The following TNPO3 variants were observed in gnomAD, a reference collection of about 807,000 sequenced individuals.
TNPO3 encodes the protein transportin-3.
Under a neutral mutation model 122.8 loss-of-function variants are expected in TNPO3, and 65 were observed. The ratio of observed to expected loss-of-function variants is 0.53; its 90% CI spans 0.43 to 0.65. The LOEUF is 0.65. Ranked by LOEUF, TNPO3 falls within the 30% of genes least tolerant of loss-of-function variation. The pLI, the probability that TNPO3 is intolerant of heterozygous loss-of-function variation, is 0.00. For synonymous variants in TNPO3, 372 were observed against 411.2 expected (o/e 0.90, Z 1.15); for missense variants, 850 against 1,136.7 (o/e 0.75, Z 3.63).
At chr7:129,045,662 G>C (rs1214238288) in intron 1 of TNPO3, among the ~76,000 whole-genome samples, 1 of 151,880 alleles carries the variant, frequency 6.6e-6, no homozygotes. Flanking sequence ...AAAAACTATT[G>C]TAATTAGAAA....
chr7:129,050,140 T>G (rs1444792897), intron 1 of TNPO3, among the ~76,000 whole-genome samples: 2 of 151,934 alleles, frequency 1.3e-5, no homozygotes, highest in Non-Finnish European at 2.9e-5. Context: ...TCCCAGCACT[T>G]TGGGAGGCCA....
At chr7:129,029,282 A>G (rs1805624075) in intron 1 of TNPO3, 1 of 155,874 alleles carries the variant, frequency 6.4e-6, no homozygotes, top group Admixed American at 6.5e-5. Context: ...TGGAGTCCAG[A>G]TGATGATTTT....
intron 16 of TNPO3, among the ~76,000 whole-genome samples, 170 bp downstream of exon 16, chr7:128,978,813 G>A (rs554300548): frequency 1.0e-3 from 153 of 152,214 alleles, no homozygotes; most frequent in African/African-American, 3.2e-3. Flanking sequence ...TGTATTTTTA[G>A]TAGAGACAGG....
chr7:129,043,520 A>AT (rs1318442705), intron 1 of TNPO3, among the ~76,000 whole-genome samples: 1 of 152,368 alleles, frequency 6.6e-6, no homozygotes, highest in East Asian at 1.9e-4. Context: ...TGAGACAAGC[A>AT]TTTTTAAATA....
Position 128,988,067 on chromosome 7 carries a change from G to A in TNPO3, c.1499-1147C>T, listed in dbSNP as rs530074506. ...CGGCTCACTGCAAACTCCGCCTCCC[G>A]GGTTCAAGTGATTCTCCCTGCCTCA... On this transcript the variant is annotated intron_variant, in intron 11 of 22. Coordinates refer to ENST00000265388, the MANE Select transcript of TNPO3 (RefSeq NM_012470.4). Among the ~76,000 whole-genome samples, 149 of 151,836 alleles carry A rather than the reference G, an allele frequency of 9.8e-4. 2 individuals carry two copies. The South Asian group carries it at 0.01, about 11-fold the overall frequency.
chr7:128,991,839 C>G (rs556230441), intron 10 of TNPO3, among the ~76,000 whole-genome samples, 160 bp downstream of exon 10: 1 of 152,252 alleles, frequency 6.6e-6, no homozygotes, highest in East Asian at 1.9e-4. Flanking sequence ...ATTCAGGCTA[C>G]CCTGGACTAG....
At chr7:129,039,063 A>G (rs1023464766) in intron 1 of TNPO3, among the ~76,000 whole-genome samples, 19 of 152,224 alleles carry the variant, frequency 1.2e-4, no homozygotes, top group African/African-American at 3.6e-4. Flanking sequence ...AAGATGCTCA[A>G]CATGATTAGC....
chr7:128,990,052 G>T lies in TNPO3; in HGVS notation c.1407C>A (p.Leu469=), dbSNP rs901969655. Residue 469 remains leucine (L), a synonymous_variant, in exon 11 of 23, where the codon CTC becomes CTA. Transcript: ENST00000265388. ...GCACAGCCGTATGTACGGTCTCCGGGAGGCGGACAACTCCTTCTAGGACTT... is the reference window on the plus strand; with the variant it reads ...GCACAGCCGTATGTACGGTCTCCGGTAGGCGGACAACTCCTTCTAGGACTT... ...LVEVLEGVVR[L]PETVHTAVRY... 2.5e-6 allele frequency: 4 copies of T among 1,614,106 alleles called. No homozygotes were observed. In the African/African-American group the frequency reaches 5.3e-5, roughly 22 times the overall value.
intron 21 of TNPO3, among the ~76,000 whole-genome samples, chr7:128,960,704 A>C (rs1797360313): frequency 6.6e-6 from 1 of 151,948 alleles, no homozygotes; most frequent in Non-Finnish European, 1.5e-5. Flanking sequence ...GAGTTAAAAA[A>C]AATTTAGTTT....
intron 21 of TNPO3, among the ~76,000 whole-genome samples, chr7:128,961,437 G>A (rs190346517): frequency 5.9e-5 from 9 of 152,204 alleles, no homozygotes; most frequent in East Asian, 1.9e-4. Flanking sequence ...CCAGGTGTCC[G>A]GTAGGCTATA....
chr7:128,978,806 A>AT (rs1799335692), intron 16 of TNPO3, among the ~76,000 whole-genome samples, 177 bp downstream of exon 16: 1 of 151,908 alleles, frequency 6.6e-6, no homozygotes, highest in South Asian at 2.1e-4. Context: ...TAATTTTTGT[A>AT]TTTTTAGTAG....
chr7:128,973,511 T>G (rs959703883), intron 18 of TNPO3, among the ~76,000 whole-genome samples: 1 of 145,616 alleles, frequency 6.9e-6, no homozygotes, highest in African/African-American at 2.5e-5. Flanking sequence ...CCGAGGAGGG[T>G]GGATCACGAG....
intron 17 of TNPO3, 34 bp downstream of exon 17, chr7:128,975,785 C>T (rs1475046047): frequency 1.5e-6 from 2 of 1,342,116 alleles, no homozygotes; most frequent in South Asian, 1.2e-5. Context: ...ACCCTCTAGG[C>T]CTGATGCGTC....
intron 20 of TNPO3, among the ~76,000 whole-genome samples, chr7:128,967,743 C>T (rs1798065057): frequency 6.6e-6 from 1 of 150,948 alleles, no homozygotes; most frequent in South Asian, 2.1e-4. Flanking sequence ...AACATGAACA[C>T]ACACACACAC....
chr7:129,011,004 C>T (rs535092939), intron 4 of TNPO3, among the ~76,000 whole-genome samples: 4 of 152,160 alleles, frequency 2.6e-5, no homozygotes, highest in Admixed American at 6.5e-5. Flanking sequence ...ATCCTAAGGG[C>T]GGTATATAGC....
intron 11 of TNPO3, 114 bp downstream of exon 11, chr7:128,989,847 T>C (rs1191179110): frequency 6.6e-6 from 8 of 1,214,148 alleles, no homozygotes; most frequent in South Asian, 3.0e-5. Flanking sequence ...TCAGTTTCTA[T>C]AAACACTCCG....
chr7:128,955,314 A>T lies in TNPO3; in HGVS notation c.*103T>A. 2 of 455,664 alleles carry T rather than the reference A, an allele frequency of 4.4e-6. No individual in the cohort carries two copies. Among genetic ancestry groups the T allele is most frequent in the Admixed American group, 4.7e-5 (2 of 42,574 alleles). 28.2% of individuals were successfully genotyped at this position (455,664 alleles called of 1,614,324 possible). ...TGGCGGTGAAGGCCCCTCTGCCACA[A>T]CGGAGGTTTCTGATTGTGGGACACA... On this transcript the variant is annotated 3_prime_UTR_variant, in exon 23 of 23. Coordinates refer to ENST00000265388, the MANE Select transcript of TNPO3 (RefSeq NM_012470.4).
chr7:128,972,943 G>C (rs1161251753), intron 18 of TNPO3, among the ~76,000 whole-genome samples: 1 of 152,110 alleles, frequency 6.6e-6, no homozygotes, highest in African/African-American at 2.4e-5. Flanking sequence ...TGTGTTAGGA[G>C]GGAGGGGTAT....
Position 128,992,030 on chromosome 7 carries a change from T to C in TNPO3, c.1327A>G (p.Ile443Val). 6.2e-7 allele frequency: 1 copy of C among 1,611,262 alleles called. No individual in the cohort carries two copies. Among genetic ancestry groups the C allele is most frequent in the East Asian group, 2.2e-5 (1 of 44,696 alleles). Residue 443 changes from isoleucine (I) to valine (V), a missense_variant, in exon 10 of 23, where the codon ATC (isoleucine) becomes GTC (valine). Physicochemically the swap from Ile to Val is conservative, Grantham distance 29. Coordinates refer to ENST00000265388, the MANE Select transcript of TNPO3 (RefSeq NM_012470.4). ...ACACTCTTTGCTATAGCAGCCATGA[T>C]AAAGAGAACCGCTTCTGTCACCTCC... is the stretch of plus-strand genomic sequence containing the variant. ...PWEVTEAVLF[I>V]MAAIAKSVDP...
Sources: gnomAD v4.1 joint callset for allele counts (sites outside exome capture counted in the v4.1 genomes callset) on GRCh38, gnomAD v4.1.1 for gene constraint, MANE v1.5 for transcripts, NCBI Gene and HGNC (gene_info 2026-07-23, HGNC 2026-07-21) for gene names.